The following MYRIP variants were observed in gnomAD, a reference collection of about 807,000 sequenced individuals.
MYRIP encodes the protein rab effector MyRIP.
In MYRIP, 49 loss-of-function variants were observed where a neutral mutation model predicts 98.0. The observed-to-expected ratio is 0.50, with a 90% CI of 0.40 to 0.63. MYRIP has a LOEUF of 0.63. Ranked by LOEUF, MYRIP falls within the 30% of genes least tolerant of loss-of-function variation. The pLI is 0.00. For missense variants in MYRIP, 1,004 were observed against 1,058.2 expected (o/e 0.95, Z 0.71); for synonymous variants, 404 against 409.5 (o/e 0.99, Z 0.16).
intron 1 of MYRIP, among the ~76,000 whole-genome samples, chr3:39,811,093 G>A (rs1379498520): frequency 6.6e-6 from 1 of 152,140 alleles, no homozygotes; most frequent in South Asian, 2.1e-4. Flanking sequence ...CAGTGGGGCC[G>A]CCTGTGGTGT....
chr3:40,206,106 A>G (rs1951787225), intron 10 of MYRIP, among the ~76,000 whole-genome samples: 1 of 152,176 alleles, frequency 6.6e-6, no homozygotes, highest in Admixed American at 6.6e-5. Flanking sequence ...TCAGGGGTCC[A>G]CAGAGGCCCA....
At chr3:40,182,912 G>A (rs377377918) in intron 9 of MYRIP, among the ~76,000 whole-genome samples, 3 of 152,092 alleles carry the variant, frequency 2.0e-5, no homozygotes, top group Non-Finnish European at 1.5e-5. Flanking sequence ...ATATCTAAGC[G>A]GCTTAATACA....
chr3:40,142,826 G>A (rs1949934329), intron 3 of MYRIP, among the ~76,000 whole-genome samples: 1 of 152,192 alleles, frequency 6.6e-6, no homozygotes, highest in Non-Finnish European at 1.5e-5. Flanking sequence ...GTTCCAAGTT[G>A]GAAAGCTTTT....
chr3:39,941,825 C>G (rs1944792596), intron 2 of MYRIP, among the ~76,000 whole-genome samples: 1 of 151,916 alleles, frequency 6.6e-6, no homozygotes, highest in South Asian at 2.1e-4. Context: ...TTTATCTTCT[C>G]CAATTGGTTT....
intron 2 of MYRIP, among the ~76,000 whole-genome samples, chr3:39,972,930 G>A (rs1945629872): frequency 6.6e-6 from 1 of 151,820 alleles, no homozygotes; most frequent in African/African-American, 2.4e-5. Context: ...TTATCATACT[G>A]TCTTTGTGTT....
At chr3:39,982,909 G>A (rs906669614) in intron 2 of MYRIP, among the ~76,000 whole-genome samples, 4 of 152,062 alleles carry the variant, frequency 2.6e-5, no homozygotes, top group Non-Finnish European at 4.4e-5. Context: ...TATGTCAACC[G>A]CATTTTCCAT....
intron 2 of MYRIP, among the ~76,000 whole-genome samples, chr3:40,032,808 C>T (rs1947290860): frequency 1.3e-5 from 2 of 152,064 alleles, no homozygotes; most frequent in Admixed American, 6.6e-5. Flanking sequence ...AAAATTGATG[C>T]AAAAATCCTC....
At chr3:40,032,679 C>T (rs1191326143) in intron 2 of MYRIP, among the ~76,000 whole-genome samples, 2 of 152,038 alleles carry the variant, frequency 1.3e-5, no homozygotes, top group East Asian at 1.9e-4. Flanking sequence ...TGAAACTATT[C>T]CAATCAGTAG....
intron 5 of MYRIP, among the ~76,000 whole-genome samples, chr3:40,164,717 A>G (rs1052791356): frequency 2.6e-5 from 4 of 152,070 alleles, no homozygotes; most frequent in Non-Finnish European, 4.4e-5. Flanking sequence ...ACCCTTGCCA[A>G]CCTTTCTCTC....
chr3:40,148,582 T>A lies in MYRIP; in HGVS notation c.333-2466T>A, dbSNP rs140138848. Among the ~76,000 whole-genome samples, 1,166 of 152,368 alleles carry A rather than the reference T, an allele frequency of 7.7e-3. 15 individuals carry two copies. Among genetic ancestry groups the A allele is most frequent in the African/African-American group, 0.027 (1,119 of 41,588 alleles). On this transcript the variant is annotated intron_variant, in intron 3 of 16. Transcript: ENST00000302541. The stretch of plus-strand genomic sequence containing the variant: ...CCTGTTTTCTATTTCCAATAAGTTG[T>A]TGCTTATCTTCTACATATATTTCAC...
intron 2 of MYRIP, among the ~76,000 whole-genome samples, chr3:40,000,400 C>G (rs1195686427): frequency 2.0e-5 from 3 of 152,156 alleles, no homozygotes; most frequent in Admixed American, 2.0e-4. Flanking sequence ...CAAACAGCAT[C>G]TACTCTCCCC....
intron 1 of MYRIP, among the ~76,000 whole-genome samples, chr3:39,852,884 G>A (rs994153921): frequency 2.6e-5 from 4 of 152,098 alleles, no homozygotes; most frequent in South Asian, 2.1e-4. Context: ...GGGTTCAAGC[G>A]ATTCTCCTGC....
chr3:39,985,889 T>C (rs1286862225), intron 2 of MYRIP, among the ~76,000 whole-genome samples: 4 of 151,362 alleles, frequency 2.6e-5, no homozygotes, highest in African/African-American at 9.8e-5. Context: ...ATTCAGGACA[T>C]AGGCATGGGC....
intron 2 of MYRIP, among the ~76,000 whole-genome samples, chr3:40,037,116 G>A (rs1360543296): frequency 1.3e-5 from 2 of 151,116 alleles, no homozygotes; most frequent in Non-Finnish European, 2.9e-5. Flanking sequence ...AAATCTATTA[G>A]TAATTTCAAT....
At chr3:39,886,012 C>G (rs1289376502) in intron 1 of MYRIP, among the ~76,000 whole-genome samples, 1 of 152,158 alleles carries the variant, frequency 6.6e-6, no homozygotes, top group East Asian at 1.9e-4. Flanking sequence ...AAGTCATTCT[C>G]TGTCCAGCTT....
At chr3:40,213,879 C>T (rs1252875339) in intron 11 of MYRIP, among the ~76,000 whole-genome samples, 2 of 152,174 alleles carry the variant, frequency 1.3e-5, no homozygotes, top group African/African-American at 4.8e-5. Flanking sequence ...GTGTAAATAT[C>T]CCAGCTCCTT....
intron 1 of MYRIP, among the ~76,000 whole-genome samples, chr3:39,866,444 A>C (rs1942627793): frequency 6.6e-6 from 1 of 152,182 alleles, no homozygotes; most frequent in African/African-American, 2.4e-5. Context: ...AAAGAATACA[A>C]GGCCATTTAC....
intron 13 of MYRIP, among the ~76,000 whole-genome samples, chr3:40,244,828 C>T (rs1953138292): frequency 6.6e-6 from 1 of 152,164 alleles, no homozygotes; most frequent in African/African-American, 2.4e-5. Context: ...ATTGGATGCC[C>T]TTTAAACCTT....
intron 2 of MYRIP, among the ~76,000 whole-genome samples, chr3:40,016,126 C>T (rs1340473757): frequency 1.3e-5 from 2 of 152,056 alleles, no homozygotes; most frequent in Non-Finnish European, 2.9e-5. Context: ...CTCCCTTCTT[C>T]CTTCTGTCCT....
Sources: gnomAD v4.1 joint callset for allele counts (sites outside exome capture counted in the v4.1 genomes callset) on GRCh38, gnomAD v4.1.1 for gene constraint, MANE v1.5 for transcripts, NCBI Gene and HGNC (gene_info 2026-07-23, HGNC 2026-07-21) for gene names.